The following HTR1F variants were observed in gnomAD, a reference collection of about 807,000 sequenced individuals.
HTR1F encodes 5-hydroxytryptamine (serotonin) receptor 1F, G protein-coupled.
Under a neutral mutation model 24.0 loss-of-function variants are expected in HTR1F, and 17 were observed. The ratio of observed to expected loss-of-function variants is 0.71; its 90% CI spans 0.48 to 1.06. HTR1F has a LOEUF of 1.06. HTR1F is among the 50% of genes least tolerant of loss of function. The pLI, the probability that HTR1F is intolerant of heterozygous loss-of-function variation, is 0.00. For synonymous variants in HTR1F, 186 were observed against 156.8 expected (o/e 1.19, Z -1.39); for missense variants, 391 against 427.8 (o/e 0.91, Z 0.76).
intron 2 of HTR1F, among the ~76,000 whole-genome samples, chr3:87,898,959 A>T (rs1369035038): frequency 6.6e-6 from 1 of 152,164 alleles, no homozygotes; most frequent in Non-Finnish European, 1.5e-5. Flanking sequence ...CTTTACAAGG[A>T]ATCTATTTCC....
Position 87,992,088 on chromosome 3 carries a change from T to C in HTR1F, c.*238T>C. 1 of 278,230 alleles carries C rather than the reference T, an allele frequency of 3.6e-6. No homozygotes were observed. The highest frequency in any genetic ancestry group is 7.0e-6 in the Non-Finnish European group (1 of 141,922). 17.2% of individuals were successfully genotyped at this position (278,230 alleles called of 1,614,324 possible). A position where few individuals can be genotyped will look rare whatever the true frequency, so the allele number is the denominator to read the frequency against. On this transcript the variant is annotated 3_prime_UTR_variant, in exon 3 of 3. Coordinates refer to ENST00000319595, the MANE Select transcript of HTR1F (RefSeq NM_001322209.2). Reference sequence around the variant, plus strand: ...TAGGTTATAAACAATATTTTGCCTATGCAATGTTCCTAAAAAGCTAACTGG... The same window carrying C: ...TAGGTTATAAACAATATTTTGCCTACGCAATGTTCCTAAAAAGCTAACTGG...
At chr3:87,977,132 A>T (rs1385538026) in intron 2 of HTR1F, among the ~76,000 whole-genome samples, 1 of 152,216 alleles carries the variant, frequency 6.6e-6, no homozygotes, top group East Asian at 1.9e-4. Context: ...GATATTAGAC[A>T]GTGATGGTAC....
intron 2 of HTR1F, among the ~76,000 whole-genome samples, chr3:87,857,213 T>A (rs1705217168): frequency 6.6e-6 from 1 of 152,054 alleles, no homozygotes; most frequent in South Asian, 2.1e-4. Flanking sequence ...GACAAATATT[T>A]TTATGTTGTA....
intron 2 of HTR1F, among the ~76,000 whole-genome samples, chr3:87,874,536 AT>A (rs1705627693): frequency 6.6e-6 from 1 of 152,098 alleles, no homozygotes; most frequent in Non-Finnish European, 1.5e-5. Context: ...GAATTAAAAG[AT>A]TTATTAATAT....
At chr3:87,813,630 G>A (rs553963355) in intron 1 of HTR1F, among the ~76,000 whole-genome samples, 1 of 152,270 alleles carries the variant, frequency 6.6e-6, no homozygotes, top group Non-Finnish European at 1.5e-5. Flanking sequence ...GTTTGGCTCT[G>A]TGTCCCCACT....
intron 2 of HTR1F, among the ~76,000 whole-genome samples, chr3:87,931,795 C>A (rs909371290): frequency 5.4e-5 from 8 of 149,036 alleles, no homozygotes; most frequent in African/African-American, 1.8e-4. Context: ...TCTCTGATGG[C>A]CAGTGATGGT....
chr3:87,945,859 C>CGGGGG (rs150282952), intron 2 of HTR1F, among the ~76,000 whole-genome samples: 39 of 151,866 alleles, frequency 2.6e-4, no homozygotes, highest in African/African-American at 9.0e-4. Flanking sequence ...AAAATGTTAC[C>CGGGGG]GGGGGGGTCC....
At chr3:87,965,832 T>C (rs1409656508) in intron 2 of HTR1F, among the ~76,000 whole-genome samples, 1 of 152,224 alleles carries the variant, frequency 6.6e-6, no homozygotes, top group Non-Finnish European at 1.5e-5. Context: ...CAAAAGCTTA[T>C]TGACTAAGGC....
chr3:87,880,302 T>C (rs1458512655), intron 2 of HTR1F, among the ~76,000 whole-genome samples: 2 of 152,174 alleles, frequency 1.3e-5, no homozygotes, highest in East Asian at 3.8e-4. Flanking sequence ...ACACTTTAAA[T>C]GGATGTAATT....
intron 2 of HTR1F, among the ~76,000 whole-genome samples, chr3:87,930,844 C>G (rs1396922453): frequency 6.6e-6 from 1 of 152,008 alleles, no homozygotes; most frequent in Non-Finnish European, 1.5e-5. Context: ...TATACATATA[C>G]ATTTATTTAC....
intron 2 of HTR1F, among the ~76,000 whole-genome samples, chr3:87,926,252 G>T (rs1351302014): frequency 6.6e-6 from 1 of 152,144 alleles, no homozygotes; most frequent in Non-Finnish European, 1.5e-5. Flanking sequence ...AGTTCATTCA[G>T]TGTTGACTCT....
At chr3:87,971,624 A>C (rs1705287588) in intron 2 of HTR1F, among the ~76,000 whole-genome samples, 1 of 152,212 alleles carries the variant, frequency 6.6e-6, no homozygotes, top group East Asian at 1.9e-4. Flanking sequence ...AAAATTTTAG[A>C]GTCTCTCCAA....
chr3:87,846,594 AT>A (rs1200266980), intron 2 of HTR1F, among the ~76,000 whole-genome samples: 1 of 151,914 alleles, frequency 6.6e-6, no homozygotes, highest in Non-Finnish European at 1.5e-5. Flanking sequence ...CAGCATTTCA[AT>A]TTTTTTGTTT....
At chr3:87,926,775 G>GA (rs945907454) in intron 2 of HTR1F, among the ~76,000 whole-genome samples, 34 of 151,756 alleles carry the variant, frequency 2.2e-4, no homozygotes, top group South Asian at 8.4e-4. Flanking sequence ...TTTATAAAAT[G>GA]AAAAAAAATT....
intron 2 of HTR1F, among the ~76,000 whole-genome samples, chr3:87,862,194 T>C (rs1231241894): frequency 6.6e-6 from 1 of 152,170 alleles, no homozygotes; most frequent in African/African-American, 2.4e-5. Context: ...AATGTACTGG[T>C]TTTCATTTAC....
At chr3:87,810,546 T>G (rs1704142906) in intron 1 of HTR1F, among the ~76,000 whole-genome samples, 1 of 152,162 alleles carries the variant, frequency 6.6e-6, no homozygotes, top group Non-Finnish European at 1.5e-5. Context: ...TTATCTTTAT[T>G]TGCCTTCTAG....
chr3:87,870,092 G>A (rs1432973583), intron 2 of HTR1F, among the ~76,000 whole-genome samples: 1 of 151,994 alleles, frequency 6.6e-6, no homozygotes, highest in African/African-American at 2.4e-5. Context: ...TAAAGGGGAA[G>A]GAATCAAATA....
chr3:87,967,965 G>T (rs756456396), intron 2 of HTR1F, among the ~76,000 whole-genome samples: 30 of 152,306 alleles, frequency 2.0e-4, no homozygotes, highest in Non-Finnish European at 4.0e-4. Flanking sequence ...CAGAAGACAG[G>T]AAGATGTGGG....
intron 1 of HTR1F, among the ~76,000 whole-genome samples, chr3:87,799,401 AAAT>A (rs1435252466): frequency 1.3e-5 from 2 of 152,236 alleles, no homozygotes; most frequent in African/African-American, 4.8e-5. Flanking sequence ...CAATAAATAA[AAAT>A]AAAATCCTTA....
Sources: allele counts gnomAD v4.1 joint callset (sites outside exome capture counted in the v4.1 genomes callset), GRCh38; gene constraint gnomAD v4.1.1; transcripts MANE v1.5; gene names NCBI Gene and HGNC (gene_info 2026-07-23, HGNC 2026-07-21).